PHF24: variants seen among roughly 807,000 people sequenced by gnomAD.
The protein encoded by PHF24 is Galpha inhibitory interacting protein.
PHF24 carries 25 observed loss-of-function variants against 42.6 expected under a neutral mutation model. That is an observed-to-expected ratio of 0.59 (90% CI 0.43 to 0.82). The LOEUF is 0.82. Ranked by LOEUF, PHF24 falls within the 40% of genes least tolerant of loss-of-function variation. The pLI is 0.00. For synonymous variants in PHF24, 185 were observed against 204.8 expected (o/e 0.90, Z 0.83); for missense variants, 470 against 538.1 (o/e 0.87, Z 1.25).
chr9:34,724,218 G>A, the PHF24 span: 3 of 1,551,506 alleles, frequency 1.9e-6, no homozygotes, highest in East Asian at 2.4e-5. Context: ...TGAACACAAG[G>A]CATGTGGGCC....
the PHF24 span, among the ~76,000 whole-genome samples, chr9:34,702,984 A>G: frequency 1.3e-5 from 2 of 152,228 alleles, no homozygotes; most frequent in African/African-American, 4.8e-5. Context: ...TGGATGTGAG[A>G]AAGAAAAAGA....
At chr9:34,962,723 G>A (rs906089911) in intron 1 of PHF24, among the ~76,000 whole-genome samples, 5 of 152,228 alleles carry the variant, frequency 3.3e-5, no homozygotes, top group Non-Finnish European at 5.9e-5. Flanking sequence ...GCTAAGTGCA[G>A]TCTCACCAGC....
chr9:34,885,684 C>T, the PHF24 span, among the ~76,000 whole-genome samples: 1 of 152,084 alleles, frequency 6.6e-6, no homozygotes, highest in Non-Finnish European at 1.5e-5. Context: ...GGAAGCCACC[C>T]CTGCCCTGTT....
chr9:34,765,440 T>C, the PHF24 span, among the ~76,000 whole-genome samples: 1 of 150,866 alleles, frequency 6.6e-6, no homozygotes, highest in Non-Finnish European at 1.5e-5. Context: ...AATTGATCCC[T>C]TTCCCATTAT....
At chr9:34,693,694 G>A in the PHF24 span, among the ~76,000 whole-genome samples, 2 of 152,098 alleles carry the variant, frequency 1.3e-5, no homozygotes, top group Non-Finnish European at 2.9e-5. Flanking sequence ...TAAAAAAATT[G>A]AAGAAATAAT....
the PHF24 span, among the ~76,000 whole-genome samples, chr9:34,844,449 G>C: frequency 0.36 from 53,586 of 150,704 alleles, 9,817 homozygotes; most frequent in East Asian, 0.67. Flanking sequence ...TCTCAGAATT[G>C]TTTTTCCTGC....
chr9:34,689,943 C>T, the PHF24 span: 1 of 1,614,114 alleles, frequency 6.2e-7, no homozygotes, highest in Non-Finnish European at 8.5e-7. The surrounding 1 kb of genome is among the most constrained non-coding windows in gnomAD (Gnocchi z 4.1). Context: ...GGCTGAGGTC[C>T]TCTGCAGTCT....
chr9:34,742,867 T>G, the PHF24 span, among the ~76,000 whole-genome samples: 1 of 152,234 alleles, frequency 6.6e-6, no homozygotes, highest in Non-Finnish European at 1.5e-5. Context: ...CATGAACATG[T>G]AGTATAGTTC....
chr9:34,972,577 G>A, intron 3 of PHF24, 46 bp downstream of exon 3: 3 of 1,528,682 alleles, frequency 2.0e-6, no homozygotes, highest in Non-Finnish European at 2.7e-6. Flanking sequence ...CACTTTTCCT[G>A]GAGGCCCGGT....
At chr9:34,949,232 T>A in the PHF24 span, among the ~76,000 whole-genome samples, 3 of 152,224 alleles carry the variant, frequency 2.0e-5, no homozygotes, top group African/African-American at 7.2e-5. Context: ...GCACGTGGAA[T>A]ATTCACAAAA....
the PHF24 span, among the ~76,000 whole-genome samples, chr9:34,711,975 C>T: frequency 7.2e-5 from 11 of 152,112 alleles, no homozygotes; most frequent in East Asian, 1.7e-3. Flanking sequence ...TTTTCTTTCT[C>T]CCGTTAGCTT....
chr9:34,824,847 C>T, the PHF24 span, among the ~76,000 whole-genome samples: 3 of 152,016 alleles, frequency 2.0e-5, no homozygotes, highest in East Asian at 1.9e-4. Context: ...GGGGAGAGGG[C>T]GGATCAGTTT....
At chr9:34,898,282 T>G in the PHF24 span, among the ~76,000 whole-genome samples, 1 of 152,224 alleles carries the variant, frequency 6.6e-6, no homozygotes, top group Non-Finnish European at 1.5e-5. Context: ...CTAGTTTTCA[T>G]TCCCACCAGC....
At chr9:34,855,204 C>A in the PHF24 span, among the ~76,000 whole-genome samples, 1 of 152,084 alleles carries the variant, frequency 6.6e-6, no homozygotes, top group Non-Finnish European at 1.5e-5. Context: ...GACAGCATAC[C>A]AATGGGGCTT....
At chr9:34,777,371 C>T in the PHF24 span, among the ~76,000 whole-genome samples, 1 of 152,102 alleles carries the variant, frequency 6.6e-6, no homozygotes, top group Non-Finnish European at 1.5e-5. Flanking sequence ...GCAGGCCAGT[C>T]TCTAGGCCCA....
At chr9:34,712,287 G>A in the PHF24 span, among the ~76,000 whole-genome samples, 1 of 151,818 alleles carries the variant, frequency 6.6e-6, no homozygotes, top group African/African-American at 2.4e-5. Context: ...GGATCTCTGA[G>A]TTTATCCTTC....
At chr9:34,727,670 G>C in the PHF24 span, among the ~76,000 whole-genome samples, 1 of 152,196 alleles carries the variant, frequency 6.6e-6, no homozygotes, top group Non-Finnish European at 1.5e-5. Context: ...AGAGTATAAA[G>C]AGAATAAGAC....
At chr9:34,811,280 G>T in the PHF24 span, among the ~76,000 whole-genome samples, 3 of 152,228 alleles carry the variant, frequency 2.0e-5, no homozygotes, top group African/African-American at 7.2e-5. Context: ...ACTATGGTTT[G>T]AATGTGTCTC....
chr9:34,789,653 T>C, the PHF24 span, among the ~76,000 whole-genome samples: 1 of 152,226 alleles, frequency 6.6e-6, no homozygotes, highest in African/African-American at 2.4e-5. Flanking sequence ...ATGATGACTC[T>C]GTTATTGCAT....
Sources: allele counts gnomAD v4.1 joint callset (sites outside exome capture counted in the v4.1 genomes callset), GRCh38; gene constraint gnomAD v4.1.1; non-coding constraint Gnocchi (gnomAD v3.1); transcripts MANE v1.5; gene names NCBI Gene and HGNC (gene_info 2026-07-23, HGNC 2026-07-21).